Variants in RYR2 observed in about 807,000 individuals in gnomAD.
RYR2 encodes ryanodine receptor 2, also known as cardiac muscle ryanodine receptor-calcium release channel.
RYR2 carries 227 observed loss-of-function variants against 601.1 expected under a neutral mutation model. The ratio of observed to expected loss-of-function variants is 0.38; its 90% CI spans 0.34 to 0.42. RYR2 has a LOEUF of 0.42. Among genes scored for constraint, RYR2 ranks in the 10% least tolerant of loss-of-function variants. The pLI is 1.00. For synonymous variants in RYR2, 2,223 were observed against 2,175.1 expected (o/e 1.02, Z -0.61); for missense variants, 4,646 against 6,156.5 (o/e 0.75, Z 8.21).
chr1:237,666,650 A>C, intron 57 of RYR2, 61 bp downstream of exon 57: 3 of 1,304,230 alleles, frequency 2.3e-6, no homozygotes, highest in Non-Finnish European at 3.2e-6. Context: ...GCATAATGTA[A>C]TGCTTTCCTG....
chr1:237,414,857 T>C (rs1344743334), intron 10 of RYR2, among the ~76,000 whole-genome samples: 4 of 152,188 alleles, frequency 2.6e-5, no homozygotes, highest in Non-Finnish European at 5.9e-5. Context: ...TTAAGTGAGA[T>C]AAGCAATCTG....
chr1:237,594,893 T>TTTTTGTTTTTTGTTTTTTG, intron 33 of RYR2, among the ~76,000 whole-genome samples: 1 of 15,748 alleles, frequency 6.4e-5, no homozygotes, highest in African/African-American at 1.1e-4. Context: ...TGGGTTTTTT[T>TTTTTGTTTTTTGTTTTTTG]TTTTTTTTTT....
chr1:237,828,906 G>C (rs912018714), intron 102 of RYR2, among the ~76,000 whole-genome samples: 1 of 152,100 alleles, frequency 6.6e-6, no homozygotes, highest in Non-Finnish European at 1.5e-5. Context: ...TAAGGAGAGA[G>C]GAGGACAGTT....
intron 1 of RYR2, among the ~76,000 whole-genome samples, chr1:237,048,995 A>G (rs1660925088): frequency 6.6e-6 from 1 of 152,176 alleles, no homozygotes; most frequent in African/African-American, 2.4e-5. Flanking sequence ...CTGGAAGCAG[A>G]AGAGTAGGAG....
intron 1 of RYR2, among the ~76,000 whole-genome samples, chr1:237,116,504 T>TAC (rs1670096144): frequency 6.6e-6 from 1 of 152,172 alleles, no homozygotes; most frequent in Non-Finnish European, 1.5e-5. Context: ...TCTATTTGCT[T>TAC]ACACACACAC....
intron 25 of RYR2, among the ~76,000 whole-genome samples, chr1:237,547,482 A>T (rs1304483137): frequency 6.6e-6 from 1 of 152,162 alleles, no homozygotes; most frequent in Non-Finnish European, 1.5e-5. Context: ...ATCTGCTGGG[A>T]ACTGTTTTAA....
intron 2 of RYR2, among the ~76,000 whole-genome samples, chr1:237,297,617 GTCT>G (rs1258163760): frequency 2.0e-5 from 3 of 151,994 alleles, no homozygotes; most frequent in African/African-American, 7.2e-5. Flanking sequence ...AGGCACTGAA[GTCT>G]TCTCAGTTTC....
intron 26 of RYR2, among the ~76,000 whole-genome samples, chr1:237,548,946 C>T (rs985659135): frequency 5.3e-5 from 8 of 152,116 alleles, no homozygotes; most frequent in Non-Finnish European, 1.0e-4. Context: ...TATTCACAAC[C>T]CCTGGGGCCA....
At chr1:237,054,251 C>T (rs535778584) in intron 1 of RYR2, among the ~76,000 whole-genome samples, 1 of 149,100 alleles carries the variant, frequency 6.7e-6, no homozygotes, top group South Asian at 2.2e-4. Context: ...TCCCTTTATC[C>T]ATCACTTCCT....
At chr1:237,239,387 C>A (rs186644957) in intron 1 of RYR2, among the ~76,000 whole-genome samples, 1 of 152,034 alleles carries the variant, frequency 6.6e-6, no homozygotes, top group South Asian at 2.1e-4. Flanking sequence ...GTGAAATGCA[C>A]GGGGTTTTAT....
intron 98 of RYR2, among the ~76,000 whole-genome samples, chr1:237,805,869 G>A (rs888446799): frequency 2.6e-5 from 4 of 152,032 alleles, no homozygotes; most frequent in African/African-American, 9.7e-5. Flanking sequence ...CAGCGGTATA[G>A]AACCCCAGAA....
At chr1:237,696,271 C>G (rs1687422609) in intron 63 of RYR2, among the ~76,000 whole-genome samples, 1 of 152,168 alleles carries the variant, frequency 6.6e-6, no homozygotes, top group African/African-American at 2.4e-5. Context: ...GGACCTGCCT[C>G]TCTGATTTGG....
chr1:237,675,958 A>T (rs909877602), intron 60 of RYR2, among the ~76,000 whole-genome samples: 5 of 152,160 alleles, frequency 3.3e-5, no homozygotes, highest in Non-Finnish European at 5.9e-5. Context: ...TAATCTCTCT[A>T]TGACTCATAT....
intron 1 of RYR2, among the ~76,000 whole-genome samples, chr1:237,044,834 G>C (rs1660365588): frequency 6.6e-6 from 1 of 151,788 alleles, no homozygotes; most frequent in South Asian, 2.1e-4. Context: ...AATGCTGATG[G>C]GGTGAATAAT....
rs777297236 is a variant in RYR2, at chr1:237,638,383, A to C, written c.6819A>C (p.Gly2273=). The part of the protein sequence containing the change: ...EKVVRYLAGC[G]LQSCQMLVSK... ...TAGTTCGTTATTTGGCTGGTTGTGG[A>C]CTGCAAAGTTGCCAGATGCTGGTGT... is the stretch of plus-strand genomic sequence containing the variant. Residue 2273 remains glycine, a synonymous_variant, in exon 45 of 105, where the codon GGA becomes GGC. Coordinates refer to ENST00000366574, the MANE Select transcript of RYR2 (RefSeq NM_001035.3). The C allele has an allele frequency of 2.5e-6, 4 of 1,613,930 alleles. No individual in the cohort carries two copies. The highest frequency in any genetic ancestry group is 3.4e-6 in the Non-Finnish European group (4 of 1,179,844).
intron 1 of RYR2, among the ~76,000 whole-genome samples, chr1:237,193,430 A>G (rs1680228457): frequency 6.6e-6 from 1 of 152,176 alleles, no homozygotes; most frequent in Non-Finnish European, 1.5e-5. Flanking sequence ...ACTGCACTCC[A>G]GCCTGGGCAA....
chr1:237,794,133 A>C, intron 95 of RYR2, 136 bp downstream of exon 95: 1 of 724,600 alleles, frequency 1.4e-6, no homozygotes, highest in Non-Finnish European at 2.2e-6. Context: ...GAAAAATCTA[A>C]AGACTCAGTG....
chr1:237,707,724 A>G (rs552165007), intron 68 of RYR2, among the ~76,000 whole-genome samples: 13 of 152,274 alleles, frequency 8.5e-5, no homozygotes, highest in Admixed American at 2.6e-4. Flanking sequence ...ATATGGCTAA[A>G]TAAGTTGTAT....
intron 74 of RYR2, 21 bp from the exon 75 acceptor site, chr1:237,726,252 T>G: frequency 6.5e-7 from 1 of 1,533,594 alleles, no homozygotes; most frequent in Non-Finnish European, 8.9e-7. Flanking sequence ...TTAGCTAACA[T>G]AACATTTTTA....
Sources: gnomAD v4.1 joint callset for allele counts (sites outside exome capture counted in the v4.1 genomes callset) on GRCh38, gnomAD v4.1.1 for gene constraint, MANE v1.5 for transcripts, NCBI Gene and HGNC (gene_info 2026-07-23, HGNC 2026-07-21) for gene names.